The following TLN2 variants were observed in gnomAD, a reference collection of about 807,000 sequenced individuals.
TLN2 encodes the protein talin 2, also known as talin-2.
In TLN2, 118 loss-of-function variants were observed where a neutral mutation model predicts 294.7. That is an observed-to-expected ratio of 0.40 (90% CI 0.34 to 0.47). The LOEUF is 0.47. TLN2 is among the 20% of genes least tolerant of loss of function. The pLI is 0.84. For missense variants in TLN2, 3,083 were observed against 3,282.2 expected, an observed-to-expected ratio of 0.94 and a Z score of 1.48; for synonymous variants, 1,431 against 1,304.5, an observed-to-expected ratio of 1.10 and a Z score of -2.09.
chr15:62,653,026 C>T (rs77738601), intron 6 of TLN2, 136 bp from the exon 7 acceptor site: 7,684 of 618,938 alleles, frequency 0.012, 83 homozygotes, highest in Non-Finnish European at 0.017. Flanking sequence ...GTGGCCACCT[C>T]CCTGACCCTC....
intron 1 of TLN2, among the ~76,000 whole-genome samples, chr15:62,477,013 A>G (rs932831038): frequency 5.9e-5 from 9 of 152,152 alleles, no homozygotes; most frequent in South Asian, 2.1e-4. Flanking sequence ...TAGACTGCCT[A>G]TTCATCCATT....
At chr15:62,698,536 C>T (rs2058512305) in intron 15 of TLN2, among the ~76,000 whole-genome samples, 1 of 152,126 alleles carries the variant, frequency 6.6e-6, no homozygotes, top group Admixed American at 6.6e-5. Context: ...GATTATAATC[C>T]CTCCGTGGCA....
chr15:62,568,383 G>C (rs1383307900), intron 1 of TLN2, among the ~76,000 whole-genome samples: 5 of 152,186 alleles, frequency 3.3e-5, no homozygotes, highest in Admixed American at 2.6e-4. Context: ...CTTCAGGAGG[G>C]TGCCAGCAGC....
intron 35 of TLN2, 120 bp downstream of exon 35, chr15:62,752,547 T>C: frequency 1.4e-6 from 2 of 1,413,864 alleles, no homozygotes; most frequent in Non-Finnish European, 1.9e-6. Flanking sequence ...GGAAAGGCAG[T>C]GGCTTCTGTG....
chr15:62,638,391 G>C (rs1315697915), intron 3 of TLN2: 2 of 373,506 alleles, frequency 5.4e-6, no homozygotes, highest in South Asian at 4.0e-5. Context: ...GTTTAACTGG[G>C]GACAAATCTT....
chr15:62,610,303 C>T (rs914001735), intron 2 of TLN2, among the ~76,000 whole-genome samples: 3 of 152,270 alleles, frequency 2.0e-5, no homozygotes, highest in South Asian at 2.1e-4. Context: ...GCACATAGCT[C>T]CTAGGAGAAA....
At chr15:62,448,623 G>A (rs1427433520) in intron 1 of TLN2, among the ~76,000 whole-genome samples, 15 of 152,204 alleles carry the variant, frequency 9.9e-5, no homozygotes, top group Non-Finnish European at 1.6e-4. Flanking sequence ...TTGTAATCCT[G>A]TGGTGTAGCT....
At chr15:62,461,602 G>A (rs756533360) in intron 1 of TLN2, among the ~76,000 whole-genome samples, 33 of 152,184 alleles carry the variant, frequency 2.2e-4, no homozygotes, top group Non-Finnish European at 4.7e-4. Context: ...GCATCACTGC[G>A]GGCCAGGCTC....
At chr15:62,688,100 T>G (rs949761736) in intron 12 of TLN2, among the ~76,000 whole-genome samples, 3 of 152,222 alleles carry the variant, frequency 2.0e-5, no homozygotes, top group African/African-American at 7.2e-5. Context: ...GTAATACTAT[T>G]GGTCTTTTTA....
At position 62,702,000 on chromosome 15, in the gene TLN2, G is replaced by A; in HGVS notation, c.1705G>A (p.Ala569Thr). ...SVVNLTAGDP[A>T]DTDYTAVGCA... ...GTTCTTTTCTGTGCCAGGTGACCCT[G>A]CAGACACTGACTACACAGCTGTGGG... The change falls in exon 18 of 59, where the codon GCA (alanine) becomes ACA (threonine). Residue 569 changes from alanine to threonine, a missense_variant. Physicochemically the swap from Ala to Thr is moderately conservative, Grantham distance 58 (BLOSUM62 0). Coordinates refer to ENST00000636159, the MANE Select transcript of TLN2 (RefSeq NM_015059.3). The A allele has an allele frequency of 1.9e-6, 3 of 1,614,070 alleles. No individual in the cohort carries two copies. Among genetic ancestry groups the A allele is most frequent in the Admixed American group, 1.7e-5 (1 of 60,030 alleles).
intron 1 of TLN2, among the ~76,000 whole-genome samples, chr15:62,506,376 C>A (rs1172203374): frequency 6.6e-6 from 1 of 152,146 alleles, no homozygotes; most frequent in Non-Finnish European, 1.5e-5. Flanking sequence ...TGGTGCCTTC[C>A]AAACAGGAAA....
intron 41 of TLN2, among the ~76,000 whole-genome samples, chr15:62,769,976 G>A (rs2063248313): frequency 6.6e-6 from 1 of 152,162 alleles, no homozygotes; most frequent in Non-Finnish European, 1.5e-5. Context: ...ATATTCTGAT[G>A]CCAGGTAGAG....
intron 2 of TLN2, 37 bp from the exon 3 acceptor site, chr15:62,618,314 A>G (rs545040101): frequency 6.6e-6 from 1 of 152,212 alleles, no homozygotes; most frequent in East Asian, 1.9e-4. Flanking sequence ...ATTTTTACCT[A>G]ATTCTTCTTT....
At chr15:62,481,374 G>A (rs2038081463) in intron 1 of TLN2, among the ~76,000 whole-genome samples, 1 of 152,186 alleles carries the variant, frequency 6.6e-6, no homozygotes, top group Non-Finnish European at 1.5e-5. Context: ...CCTTGTGTGT[G>A]GGAAAGTATG....
At chr15:62,633,556 C>A (rs1365541903) in intron 3 of TLN2, among the ~76,000 whole-genome samples, 1 of 152,222 alleles carries the variant, frequency 6.6e-6, no homozygotes, top group Non-Finnish European at 1.5e-5. Context: ...CCTCCCACCC[C>A]AGCCTTTGAG....
At position 62,538,274 on chromosome 15, in the gene TLN2, C is replaced by T. The variant is rs528175656; in HGVS notation, c.-237-51413C>T. Among the ~76,000 whole-genome samples the T allele has an allele frequency of 2.6e-5, 4 of 152,202 alleles. No homozygotes were observed. The South Asian group carries it at 6.2e-4, about 24-fold the overall frequency. ...CAGCCTTTTCTTTGTTTTTACCAAT[C>T]TAATATCCTCTCCATTCTTCCATCA... is the stretch of plus-strand genomic sequence containing the variant. On this transcript the variant is annotated intron_variant, in intron 1 of 58. Transcript: ENST00000636159.
At chr15:62,415,582 C>T (rs2034026075) in intron 1 of TLN2, among the ~76,000 whole-genome samples, 1 of 101,692 alleles carries the variant, frequency 9.8e-6, no homozygotes, top group Non-Finnish European at 2.0e-5. Context: ...TCATTTAACC[C>T]CTGCTTGCCC....
At chr15:62,518,550 A>C (rs1289789192) in intron 1 of TLN2, among the ~76,000 whole-genome samples, 2 of 152,070 alleles carry the variant, frequency 1.3e-5, no homozygotes, top group Non-Finnish European at 2.9e-5. Context: ...AATGGGCTAG[A>C]ACATGCAAAA....
chr15:62,419,511 C>T (rs961057078), intron 1 of TLN2, among the ~76,000 whole-genome samples: 3 of 152,210 alleles, frequency 2.0e-5, no homozygotes, highest in Non-Finnish European at 2.9e-5. Flanking sequence ...GGAGCACCCT[C>T]CTGACCTTAA....
Sources: gnomAD v4.1 joint callset for allele counts (sites outside exome capture counted in the v4.1 genomes callset) on GRCh38, gnomAD v4.1.1 for gene constraint, MANE v1.5 for transcripts, NCBI Gene and HGNC (gene_info 2026-07-23, HGNC 2026-07-21) for gene names.